The following AFF2 variants were observed in gnomAD, a reference collection of about 807,000 sequenced individuals.
AFF2 encodes the protein ALF transcription elongation factor 2.
Under a neutral mutation model 76.9 loss-of-function variants are expected in AFF2, and 14 were observed. That is an observed-to-expected ratio of 0.18 (90% CI 0.12 to 0.28). AFF2 has a LOEUF of 0.28. AFF2 is among the 10% of genes least tolerant of loss of function. The pLI is 1.00. For missense variants in AFF2, 868 were observed against 1,001.1 expected, an observed-to-expected ratio of 0.87 and a Z score of 1.79; for synonymous variants, 398 against 366.7, an observed-to-expected ratio of 1.09 and a Z score of -0.98.
At chrX:148,753,978 T>G (rs1478586707) in intron 3 of AFF2, among the ~76,000 whole-genome samples, 1 of 111,272 alleles carries the variant, frequency 9.0e-6, no homozygotes, top group Non-Finnish European at 1.9e-5. Flanking sequence ...AGCCTCCCAA[T>G]ATTTAGGCAA....
intron 3 of AFF2, among the ~76,000 whole-genome samples, chrX:148,724,950 C>G (rs1276474801): frequency 9.0e-6 from 1 of 111,315 alleles, no homozygotes; most frequent in Non-Finnish European, 1.9e-5. Context: ...TATTATGGTT[C>G]TGGTCCTAGA....
chrX:148,975,705 G>A (rs1224442591), intron 16 of AFF2, among the ~76,000 whole-genome samples: 1 of 108,421 alleles, frequency 9.2e-6, no homozygotes, highest in Non-Finnish European at 1.9e-5. Context: ...AGCACTTTGG[G>A]AGGCCGAGGC....
intron 3 of AFF2, among the ~76,000 whole-genome samples, chrX:148,762,464 G>A (rs1322831636): frequency 1.4e-5 from 1 of 71,743 alleles, no homozygotes; most frequent in Non-Finnish European, 2.4e-5. Context: ...TATATATTAT[G>A]TGTGTACATA....
At chrX:148,822,928 G>A (rs1438901880) in intron 4 of AFF2, among the ~76,000 whole-genome samples, 2 of 111,145 alleles carry the variant, frequency 1.8e-5, no homozygotes, top group Non-Finnish European at 3.8e-5. Flanking sequence ...CAGCATCCTG[G>A]CTGTCTGGGC....
intron 10 of AFF2, among the ~76,000 whole-genome samples, chrX:148,954,927 CA>C (rs782811174): frequency 8.9e-6 from 1 of 112,508 alleles, no homozygotes; most frequent in South Asian, 3.7e-4. Context: ...AGTTAGGAAT[CA>C]AGGACCCGAA....
chrX:148,608,876 T>C (rs1343722900), intron 1 of AFF2, among the ~76,000 whole-genome samples: 1 of 111,686 alleles, frequency 9.0e-6, no homozygotes, highest in East Asian at 2.8e-4. Context: ...GCATAGAAAG[T>C]CCTTGAGCCA....
At chrX:148,962,637 C>A (rs1402795056) in intron 12 of AFF2, 78 bp from the exon 13 acceptor site, 20 of 848,235 alleles carry the variant, frequency 2.4e-5, no homozygotes, top group African/African-American at 4.1e-5. Flanking sequence ...CTTCAGCTTA[C>A]AGTACTAGCA....
intron 1 of AFF2, among the ~76,000 whole-genome samples, chrX:148,556,685 C>G (rs1557239751): frequency 8.9e-6 from 1 of 112,040 alleles, no homozygotes; most frequent in African/African-American, 3.2e-5. Flanking sequence ...TTGTGTTTCC[C>G]TTTGAAAGGC....
intron 3 of AFF2, among the ~76,000 whole-genome samples, chrX:148,699,767 C>T (rs2054763729): frequency 9.0e-6 from 1 of 111,703 alleles, no homozygotes; most frequent in Non-Finnish European, 1.9e-5. Flanking sequence ...TTTTTACTTG[C>T]CATATGTTTC....
At position 148,561,218 on chromosome X, in the gene AFF2, C is replaced by T. The variant is rs543715296; in HGVS notation, c.47+60074C>T. Among the ~76,000 whole-genome samples the T allele has an allele frequency of 1.4e-3, 152 of 112,060 alleles. 3 individuals carry two copies. In the South Asian group the frequency reaches 0.055, roughly 41 times the overall value. On this transcript the variant is annotated intron_variant, in intron 1 of 20. Coordinates refer to ENST00000370460, the MANE Select transcript of AFF2 (RefSeq NM_002025.4). ...ACATAACATTTGAGATTTCTTTTAGCATTTTATTAGTGGATTTACATTTCA... is the reference window on the plus strand; with the variant it reads ...ACATAACATTTGAGATTTCTTTTAGTATTTTATTAGTGGATTTACATTTCA...
At chrX:148,527,585 C>T (rs1254434413) in intron 1 of AFF2, among the ~76,000 whole-genome samples, 1 of 111,057 alleles carries the variant, frequency 9.0e-6, no homozygotes, top group African/African-American at 3.3e-5. Flanking sequence ...TTTTTTTAGG[C>T]GATACACAAT....
intron 3 of AFF2, among the ~76,000 whole-genome samples, chrX:148,761,458 G>GT (rs201228384): frequency 2.5e-3 from 208 of 83,670 alleles, no homozygotes; most frequent in African/African-American, 9.6e-3. Context: ...CTGTCCTCCA[G>GT]TTTTTTTTGT....
intron 3 of AFF2, among the ~76,000 whole-genome samples, chrX:148,669,482 TC>T (rs1379336044): frequency 8.9e-6 from 1 of 111,990 alleles, no homozygotes; most frequent in Non-Finnish European, 1.9e-5. Flanking sequence ...GACTTACAGT[TC>T]CATGTGGCTG....
chrX:148,732,557 C>A (rs2055237436), intron 3 of AFF2, among the ~76,000 whole-genome samples: 1 of 90,260 alleles, frequency 1.1e-5, no homozygotes, highest in Admixed American at 1.3e-4. Flanking sequence ...CACATGTACC[C>A]TAAAACTTAA....
At chrX:148,806,715 G>C (rs1296054612) in intron 3 of AFF2, among the ~76,000 whole-genome samples, 2 of 111,647 alleles carry the variant, frequency 1.8e-5, no homozygotes, top group East Asian at 5.6e-4. Flanking sequence ...TATTACCCTT[G>C]TCATGACTAC....
intron 20 of AFF2, 142 bp downstream of exon 20, chrX:148,987,699 G>T (rs1030182265): frequency 1.9e-6 from 1 of 525,238 alleles, no homozygotes; most frequent in Admixed American, 4.1e-5. Flanking sequence ...GACAGAGTTC[G>T]CTCAGGGCTG....
chrX:148,961,637 T>C (rs1362254585), intron 12 of AFF2, among the ~76,000 whole-genome samples: 6 of 112,136 alleles, frequency 5.4e-5, no homozygotes, highest in African/African-American at 1.9e-4. Context: ...TTGACTTCTA[T>C]TTCAGGGAAT....
chrX:148,607,559 C>A (rs782736587), intron 1 of AFF2, among the ~76,000 whole-genome samples: 1 of 111,442 alleles, frequency 9.0e-6, no homozygotes, highest in Non-Finnish European at 1.9e-5. Flanking sequence ...GTCCATTAAA[C>A]CTCTTTTTCT....
chrX:148,825,747 G>GTT (rs575960026), intron 4 of AFF2, among the ~76,000 whole-genome samples: 49 of 89,084 alleles, frequency 5.5e-4, no homozygotes, highest in African/African-American at 1.6e-3. Context: ...TCTGACCAGG[G>GTT]TTTTTTTTTT....
Sources: allele counts gnomAD v4.1 joint callset (sites outside exome capture counted in the v4.1 genomes callset), GRCh38; gene constraint gnomAD v4.1.1; transcripts MANE v1.5; gene names NCBI Gene and HGNC (gene_info 2026-07-23, HGNC 2026-07-21).